Variants in ATP10D observed in about 807,000 individuals in gnomAD.
ATP10D encodes ATPase phospholipid transporting 10D (putative), also known as phospholipid-transporting ATPase VD.
Under a neutral mutation model 144.8 loss-of-function variants are expected in ATP10D, and 89 were observed. The observed-to-expected ratio is 0.61, with a 90% CI of 0.52 to 0.73. ATP10D has a LOEUF of 0.73. Ranked by LOEUF, ATP10D falls within the 30% of genes least tolerant of loss-of-function variation. ATP10D has a pLI of 0.00. For missense variants in ATP10D, 1,603 were observed against 1,714.8 expected (o/e 0.93, Z 1.15); for synonymous variants, 571 against 615.1 (o/e 0.93, Z 1.06).
At chr4:47,584,642 C>T (rs1273542164) in intron 21 of ATP10D, among the ~76,000 whole-genome samples, 2 of 152,080 alleles carry the variant, frequency 1.3e-5, no homozygotes, top group Non-Finnish European at 2.9e-5. Flanking sequence ...GTGATCCACC[C>T]ACCTCAGCCT....
intron 17 of ATP10D, 133 bp downstream of exon 17, chr4:47,572,363 A>G (rs757254231): frequency 2.7e-5 from 19 of 704,358 alleles, no homozygotes; most frequent in African/African-American, 7.8e-5. Flanking sequence ...CAGGAAGTTT[A>G]CCTATCTATT....
intron 1 of ATP10D, among the ~76,000 whole-genome samples, chr4:47,487,231 C>CAAAAAA (rs1478374325): frequency 1.6e-5 from 2 of 128,436 alleles, no homozygotes; most frequent in African/African-American, 5.8e-5. Context: ...CTCCGTCCCC[C>CAAAAAA]AAAAAAAAAA....
intron 10 of ATP10D, among the ~76,000 whole-genome samples, chr4:47,552,708 T>C (rs1040567628): frequency 6.6e-6 from 1 of 152,230 alleles, no homozygotes; most frequent in Non-Finnish European, 1.5e-5. Flanking sequence ...TTAGATTGAC[T>C]TCAGAATGCA....
intron 18 of ATP10D, among the ~76,000 whole-genome samples, chr4:47,575,888 A>C (rs1720202987): frequency 6.6e-6 from 1 of 150,642 alleles, no homozygotes; most frequent in Admixed American, 6.6e-5. Flanking sequence ...ATCCTTACAT[A>C]AAAAGAGATG....
chr4:47,590,990 C>G, intron 22 of ATP10D, 52 bp from the exon 23 acceptor site: 1 of 1,165,946 alleles, frequency 8.6e-7, no homozygotes, highest in Non-Finnish European at 1.2e-6. Context: ...GGGGGGGGTT[C>G]TGTAATGCAT....
chr4:47,498,344 C>T (rs1439537643), intron 1 of ATP10D, among the ~76,000 whole-genome samples: 1 of 152,234 alleles, frequency 6.6e-6, no homozygotes, highest in East Asian at 1.9e-4. Context: ...AACAGTATCT[C>T]TGGCTTCTTT....
At chr4:47,527,438 A>T (rs1717305658) in intron 5 of ATP10D, among the ~76,000 whole-genome samples, 1 of 152,136 alleles carries the variant, frequency 6.6e-6, no homozygotes, top group African/African-American at 2.4e-5. Context: ...CATTAAAGAA[A>T]AATAAAAGAA....
chr4:47,560,631 T>G (rs1458436572), intron 13 of ATP10D, among the ~76,000 whole-genome samples: 1 of 152,238 alleles, frequency 6.6e-6, no homozygotes, highest in Non-Finnish European at 1.5e-5. Flanking sequence ...GATTTAACTG[T>G]CAATTGGAGA....
At chr4:47,561,107 G>C in intron 14 of ATP10D, 32 bp downstream of exon 14, 2 of 1,612,378 alleles carry the variant, frequency 1.2e-6, no homozygotes, top group Non-Finnish European at 8.5e-7. Flanking sequence ...TGCCTGAATG[G>C]AGGATTTTGA....
At chr4:47,561,435 T>C (rs573121110) in intron 14 of ATP10D, among the ~76,000 whole-genome samples, 8 of 152,322 alleles carry the variant, frequency 5.3e-5, no homozygotes, top group African/African-American at 1.9e-4. Context: ...ATACGTGTTA[T>C]CTTTTTTTTG....
chr4:47,573,619 A>G (rs1343059016), intron 18 of ATP10D, among the ~76,000 whole-genome samples: 3 of 152,204 alleles, frequency 2.0e-5, no homozygotes, highest in Non-Finnish European at 4.4e-5. Context: ...TCAGCCTGCT[A>G]TTTCAATTTC....
In ATP10D at chr4:47,560,945, G is replaced by T. The variant is rs760011857; in HGVS notation, c.2542-4G>T. On this transcript the variant is annotated splice_region_variant and splice_polypyrimidine_tract_variant and intron_variant, in intron 13 of 22. Transcript: ENST00000273859. ...TCATACCTCTCTTTTAATTCTTCCC[G>T]TAGGTCATGAGTGACACTGAATATG... The T allele has an allele frequency of 2.5e-6, 4 of 1,613,906 alleles. No homozygotes were observed. Among genetic ancestry groups the T allele is most frequent in the South Asian group, 1.1e-5 (1 of 91,076 alleles).
intron 22 of ATP10D, among the ~76,000 whole-genome samples, chr4:47,588,384 TCAA>T (rs1720882308): frequency 6.6e-6 from 1 of 152,208 alleles, no homozygotes; most frequent in African/African-American, 2.4e-5. Flanking sequence ...TATAACAGCG[TCAA>T]CAAACTGTGG....
rs547876557 is a variant in ATP10D at position 47,587,917 on chromosome 4, C to T, written c.3941+711C>T. Among the ~76,000 whole-genome samples the T allele has an allele frequency of 4.6e-5, 7 of 152,248 alleles. No individual in the cohort carries two copies. The South Asian group carries it at 1.2e-3, about 27-fold the overall frequency. On this transcript the variant is annotated intron_variant, in intron 22 of 22. Transcript: ENST00000273859. Reference sequence around the variant, plus strand: ...TCAGCTGATCCTCAGCCCTGCTTGCCCCTGTATACAGGAATGGGAAAGTTG... The same window carrying T: ...TCAGCTGATCCTCAGCCCTGCTTGCTCCTGTATACAGGAATGGGAAAGTTG...
At chr4:47,504,863 C>A (rs376694734) in intron 1 of ATP10D, among the ~76,000 whole-genome samples, 1 of 152,186 alleles carries the variant, frequency 6.6e-6, no homozygotes, top group African/African-American at 2.4e-5. Context: ...TCCATAGATA[C>A]GAAATTTCTC....
intron 1 of ATP10D, among the ~76,000 whole-genome samples, chr4:47,511,747 C>T (rs1716338512): frequency 6.6e-6 from 1 of 152,116 alleles, no homozygotes; most frequent in Admixed American, 6.5e-5. Context: ...TAATTTGTGC[C>T]TTCTGGGCAC....
Position 47,591,572 on chromosome 4 carries a change from T to C in ATP10D, c.*191T>C. 2.3e-6 allele frequency: 1 copy of C among 441,984 alleles called. No individual in the cohort carries two copies. The allele number at this position is 441,984 out of a possible 1,614,324, so 27.4% of individuals were successfully genotyped here. ...TGTGATAGAGGGCTAGAGTTTGACCTAGAGAGAGTTTAAGGAAGTGAAATA... is the reference window on the plus strand; with the variant it reads ...TGTGATAGAGGGCTAGAGTTTGACCCAGAGAGAGTTTAAGGAAGTGAAATA... On this transcript the variant is annotated 3_prime_UTR_variant, in exon 23 of 23. Transcript: ENST00000273859.
chr4:47,492,968 T>C (rs1217656917), intron 1 of ATP10D, among the ~76,000 whole-genome samples: 1 of 152,196 alleles, frequency 6.6e-6, no homozygotes, highest in Admixed American at 6.5e-5. Flanking sequence ...ACCTTTGATG[T>C]AGTCTATTGA....
intron 9 of ATP10D, among the ~76,000 whole-genome samples, chr4:47,537,472 G>T (rs1377344710): frequency 6.6e-6 from 1 of 152,030 alleles, no homozygotes; most frequent in African/African-American, 2.4e-5. Context: ...AAAGAAATAT[G>T]TGCTCCTTTG....
Sources: gnomAD v4.1 joint callset for allele counts (sites outside exome capture counted in the v4.1 genomes callset) on GRCh38, gnomAD v4.1.1 for gene constraint, MANE v1.5 for transcripts, NCBI Gene and HGNC (gene_info 2026-07-23, HGNC 2026-07-21) for gene names.